The following STOX2 variants were observed in gnomAD, a reference collection of about 807,000 sequenced individuals.
STOX2 encodes the protein storkhead-box protein 2.
In STOX2, 28 loss-of-function variants were observed where a neutral mutation model predicts 60.9. The observed-to-expected ratio is 0.46, with a 90% CI of 0.34 to 0.63. The LOEUF (loss-of-function observed/expected upper bound fraction) is 0.63. STOX2 is among the 30% of genes least tolerant of loss of function. The probability of loss-of-function intolerance (pLI) is 0.01; values close to 1 mark genes in which losing one functional copy is unlikely to be tolerated. For synonymous variants in STOX2, 472 were observed against 463.9 expected (o/e 1.02, Z -0.22); for missense variants, 1,024 against 1,187.7 (o/e 0.86, Z 2.03).
At position 184,010,461 on chromosome 4, in the gene STOX2, C is replaced by T. The variant is rs756777921; in HGVS notation, c.1623C>T (p.Leu541=). The part of the protein sequence containing the change: ...STLRPAQTVS[L]QRAHISSTSY... The stretch of plus-strand genomic sequence containing the variant: ...TAAGGCCTGCACAGACCGTTAGTCT[C>T]CAAAGGGCTCACATTTCGTCCACAA... The change falls in exon 3 of 4, where the codon CTC becomes CTT. Residue 541 remains leucine (L), a synonymous_variant. Coordinates refer to ENST00000308497, the MANE Select transcript of STOX2 (RefSeq NM_020225.3). The surrounding 1 kb of genome is among the most constrained non-coding windows in gnomAD (Gnocchi z 4.5). The T allele has an allele frequency of 6.2e-7, 1 of 1,613,894 alleles. No homozygotes were observed. The highest frequency in any genetic ancestry group is 8.5e-7 in the Non-Finnish European group (1 of 1,179,844).
At position 184,017,697 on chromosome 4, in the gene STOX2, A is replaced by AAC. The variant is rs1553989264; in HGVS notation, c.*414_*415insCA. On this transcript the variant is annotated 3_prime_UTR_variant, in exon 4 of 4. Coordinates refer to ENST00000308497, the MANE Select transcript of STOX2 (RefSeq NM_020225.3). ...TGATCCTTGACACTTCCAAAAAAAAAAAAACAAAACAAAACAAAAAAAATT... is the reference window on the plus strand; with the variant it reads ...TGATCCTTGACACTTCCAAAAAAAAAACAAAACAAAACAAAACAAAAAAAATT... The AAC allele has an allele frequency of 4.6e-5, 7 of 152,724 alleles. No individual in the cohort carries two copies. The highest frequency in any genetic ancestry group is 7.3e-5 in the Non-Finnish European group (5 of 68,538). 9.5% of individuals were successfully genotyped at this position (152,724 alleles called of 1,614,324 possible).
At chr4:183,989,650 G>T (rs1311467357) in intron 1 of STOX2, among the ~76,000 whole-genome samples, 1 of 152,198 alleles carries the variant, frequency 6.6e-6, no homozygotes, top group Non-Finnish European at 1.5e-5. Flanking sequence ...TATTGAGGCT[G>T]CTGTTAACTG....
intron 1 of STOX2, among the ~76,000 whole-genome samples, chr4:183,931,119 A>G (rs1742409271): frequency 6.6e-6 from 1 of 152,138 alleles, no homozygotes; most frequent in South Asian, 2.1e-4. Flanking sequence ...CATCTACTAT[A>G]ATATATTAAT....
intron 1 of STOX2, among the ~76,000 whole-genome samples, chr4:183,841,093 C>G (rs187382344): frequency 2.6e-5 from 4 of 152,228 alleles, no homozygotes; most frequent in African/African-American, 9.6e-5. Context: ...GTCTCAAATT[C>G]TTGGGCTCAA....
intron 1 of STOX2, among the ~76,000 whole-genome samples, chr4:183,830,608 C>G (rs1739544050): frequency 6.6e-6 from 1 of 152,096 alleles, no homozygotes; most frequent in Admixed American, 6.5e-5. Context: ...AGTAGTCACT[C>G]CTTGTGTGGC....
At chr4:183,874,556 G>A (rs932762959) in intron 1 of STOX2, among the ~76,000 whole-genome samples, 1 of 152,018 alleles carries the variant, frequency 6.6e-6, no homozygotes, top group Non-Finnish European at 1.5e-5. Flanking sequence ...ATTATTCTAA[G>A]CAATTATACA....
intron 1 of STOX2, among the ~76,000 whole-genome samples, chr4:183,966,749 G>C (rs1262821788): frequency 6.6e-6 from 1 of 152,232 alleles, no homozygotes; most frequent in Non-Finnish European, 1.5e-5. Flanking sequence ...GACCTGTGCG[G>C]AAAGTGTGAC....
intron 1 of STOX2, among the ~76,000 whole-genome samples, chr4:183,819,216 A>T (rs915687670): frequency 1.3e-5 from 2 of 152,082 alleles, no homozygotes; most frequent in Admixed American, 6.5e-5. Flanking sequence ...GAGGTTGTAG[A>T]GAGCCGAGAT....
chr4:183,957,201 G>A (rs952297732), intron 1 of STOX2, among the ~76,000 whole-genome samples: 3 of 149,404 alleles, frequency 2.0e-5, no homozygotes, highest in Non-Finnish European at 4.5e-5. Context: ...AAAACACTGG[G>A]AGGCACGTGG....
intron 1 of STOX2, among the ~76,000 whole-genome samples, chr4:183,807,646 C>G (rs930255155): frequency 7.9e-5 from 12 of 152,212 alleles, no homozygotes; most frequent in African/African-American, 2.9e-4. Flanking sequence ...GCTTCTTAAT[C>G]CTGCCTGCTT....
At chr4:183,852,636 A>T (rs1437937988) in intron 1 of STOX2, among the ~76,000 whole-genome samples, 1 of 152,224 alleles carries the variant, frequency 6.6e-6, no homozygotes, top group Middle Eastern at 3.2e-3. Context: ...CGATCTGACC[A>T]CACCCTGTAC....
intron 1 of STOX2, among the ~76,000 whole-genome samples, chr4:183,951,652 G>A (rs1190404250): frequency 6.6e-6 from 1 of 151,708 alleles, no homozygotes; most frequent in Non-Finnish European, 1.5e-5. Context: ...CTAAAAGTAG[G>A]TGAGTGGTCG....
intron 1 of STOX2, among the ~76,000 whole-genome samples, chr4:183,942,319 A>G (rs984467813): frequency 6.7e-6 from 1 of 148,240 alleles, no homozygotes; most frequent in African/African-American, 2.5e-5. Context: ...ATATATATAT[A>G]TGTGCCAGGC....
chr4:183,879,236 C>T (rs1408413525), intron 1 of STOX2, among the ~76,000 whole-genome samples: 2 of 152,226 alleles, frequency 1.3e-5, no homozygotes, highest in Non-Finnish European at 2.9e-5. Flanking sequence ...CTCACTGCCA[C>T]CCTCTCTCTC....
At chr4:183,998,602 C>T (rs571322430) in intron 1 of STOX2, among the ~76,000 whole-genome samples, 6 of 152,242 alleles carry the variant, frequency 3.9e-5, no homozygotes, top group Admixed American at 2.6e-4. Flanking sequence ...AGTGCAGTGG[C>T]GCAATCTCAG....
chr4:183,924,217 C>T (rs527737240), intron 1 of STOX2, among the ~76,000 whole-genome samples: 4 of 152,114 alleles, frequency 2.6e-5, no homozygotes, highest in Non-Finnish European at 5.9e-5. Flanking sequence ...GGCCTTGACA[C>T]GTATGCTTGT....
At chr4:183,882,868 A>G (rs1213870642) in intron 1 of STOX2, among the ~76,000 whole-genome samples, 1 of 152,222 alleles carries the variant, frequency 6.6e-6, no homozygotes, top group African/African-American at 2.4e-5. Flanking sequence ...CTCTTGCACC[A>G]GTGTTTTTGG....
intron 1 of STOX2, among the ~76,000 whole-genome samples, chr4:183,987,465 G>A (rs1393839256): frequency 1.3e-5 from 2 of 152,040 alleles, no homozygotes; most frequent in Non-Finnish European, 2.9e-5. Context: ...ATGCAGATAC[G>A]TGATTCATTT....
intron 1 of STOX2, among the ~76,000 whole-genome samples, chr4:183,851,057 A>G (rs865960252): frequency 2.6e-4 from 30 of 114,766 alleles, no homozygotes; most frequent in South Asian, 1.4e-3. Context: ...AAACGATGAG[A>G]GAAAGGATGA....
Sources: allele counts gnomAD v4.1 joint callset (sites outside exome capture counted in the v4.1 genomes callset), GRCh38; gene constraint gnomAD v4.1.1; non-coding constraint Gnocchi (gnomAD v3.1); transcripts MANE v1.5; gene names NCBI Gene and HGNC (gene_info 2026-07-23, HGNC 2026-07-21).